GTF2F2: variants seen among roughly 807,000 people sequenced by gnomAD.
GTF2F2 encodes general transcription factor IIF subunit 2.
GTF2F2 carries 23 observed loss-of-function variants against 42.2 expected under a neutral mutation model. The ratio of observed to expected loss-of-function variants is 0.55; its 90% CI spans 0.39 to 0.77. The LOEUF is 0.77. Ranked by LOEUF, GTF2F2 falls within the 30% of genes least tolerant of loss-of-function variation. The pLI is 0.00. For missense variants in GTF2F2, 261 were observed against 287.2 expected (o/e 0.91, Z 0.66); for synonymous variants, 105 against 100.8 (o/e 1.04, Z -0.25).
chr13:45,258,074 A>G (rs889815377), intron 6 of GTF2F2, among the ~76,000 whole-genome samples: 28 of 152,280 alleles, frequency 1.8e-4, no homozygotes, highest in African/African-American at 6.5e-4. Flanking sequence ...TTATCAGTCA[A>G]TCTTTGAGGT....
At chr13:45,182,000 G>A (rs1170411164) in intron 4 of GTF2F2, among the ~76,000 whole-genome samples, 1 of 152,098 alleles carries the variant, frequency 6.6e-6, no homozygotes, top group Non-Finnish European at 1.5e-5. Flanking sequence ...TGGCCGCCCT[G>A]CTGGCTGAAG....
chr13:45,173,978 T>C (rs1240576773), intron 4 of GTF2F2, among the ~76,000 whole-genome samples: 2 of 152,146 alleles, frequency 1.3e-5, no homozygotes, highest in Non-Finnish European at 2.9e-5. Context: ...ATATAAATGC[T>C]TTTTTCACTC....
intron 2 of GTF2F2, among the ~76,000 whole-genome samples, chr13:45,147,614 A>T (rs1870261059): frequency 6.6e-6 from 1 of 152,094 alleles, no homozygotes; most frequent in East Asian, 1.9e-4. Context: ...AAATTTTCTC[A>T]CCTCGTTTTA....
intron 4 of GTF2F2, among the ~76,000 whole-genome samples, chr13:45,190,734 T>C (rs1468591522): frequency 1.3e-5 from 2 of 152,028 alleles, no homozygotes; most frequent in Non-Finnish European, 2.9e-5. Flanking sequence ...GTATAAGTTT[T>C]GTGGGGGTTT....
At chr13:45,138,835 G>A (rs999629279) in intron 2 of GTF2F2, among the ~76,000 whole-genome samples, 9 of 152,222 alleles carry the variant, frequency 5.9e-5, no homozygotes, top group Admixed American at 3.3e-4. Context: ...TAGTAGAGAC[G>A]GGGTTTCGCC....
chr13:45,166,258 T>C (rs1343938559), intron 4 of GTF2F2, among the ~76,000 whole-genome samples: 1 of 152,236 alleles, frequency 6.6e-6, no homozygotes, highest in Non-Finnish European at 1.5e-5. Context: ...TTTCAGTGTT[T>C]TCTGATATTT....
intron 1 of GTF2F2, among the ~76,000 whole-genome samples, chr13:45,121,170 T>C (rs924595706): frequency 2.6e-5 from 4 of 152,188 alleles, no homozygotes; most frequent in Admixed American, 6.5e-5. Context: ...TTCTCTTAGG[T>C]TGATGGTCCT....
chr13:45,246,551 C>T (rs1875629525), intron 5 of GTF2F2, among the ~76,000 whole-genome samples: 1 of 152,158 alleles, frequency 6.6e-6, no homozygotes, highest in Admixed American at 6.5e-5. Flanking sequence ...CTTTCCTAGT[C>T]AGTGATGTCC....
intron 7 of GTF2F2, among the ~76,000 whole-genome samples, chr13:45,269,604 T>C (rs548710995): frequency 6.6e-6 from 1 of 152,236 alleles, no homozygotes; most frequent in Admixed American, 6.5e-5. Flanking sequence ...TATTCTAGCA[T>C]GAAGATCAAT....
At chr13:45,144,763 G>A (rs115347804) in intron 2 of GTF2F2, among the ~76,000 whole-genome samples, 495 of 152,034 alleles carry the variant, frequency 3.3e-3, no homozygotes, top group African/African-American at 0.012. Flanking sequence ...GTGGGGACCC[G>A]CTAATAATAA....
At chr13:45,144,910 A>G (rs932302980) in intron 2 of GTF2F2, among the ~76,000 whole-genome samples, 1 of 152,208 alleles carries the variant, frequency 6.6e-6, no homozygotes, top group East Asian at 1.9e-4. Context: ...GTCTGGCAAC[A>G]TATATGTGTG....
chr13:45,215,481 C>T (rs939320554), intron 5 of GTF2F2, among the ~76,000 whole-genome samples: 3 of 152,096 alleles, frequency 2.0e-5, no homozygotes, highest in Admixed American at 6.6e-5. Context: ...AAAACTGAGC[C>T]GGGCGTGATG....
chr13:45,226,126 C>T (rs1029244342), intron 5 of GTF2F2, among the ~76,000 whole-genome samples: 6 of 150,942 alleles, frequency 4.0e-5, no homozygotes, highest in Admixed American at 2.6e-4. Flanking sequence ...CAGTGGTTGT[C>T]CCCAAAGAGA....
At chr13:45,191,224 A>AAAAAAAAAAAAAATATATAT in intron 4 of GTF2F2, among the ~76,000 whole-genome samples, 3 of 75,312 alleles carry the variant, frequency 4.0e-5, no homozygotes, top group African/African-American at 2.0e-4. Flanking sequence ...ACAAAAAAAA[A>AAAAAAAAAAAAAATATATAT]ATATATATAT....
Position 45,267,159 on chromosome 13 carries a change from A to AT in GTF2F2, c.487-74_487-73insT, listed in dbSNP as rs1248020340. 3.3e-5 allele frequency: 44 copies of AT among 1,332,916 alleles called. No individual in the cohort carries two copies. The African/African-American group carries it at 4.6e-4, about 14-fold the overall frequency. 82.6% of individuals were successfully genotyped at this position (1,332,916 alleles called of 1,614,324 possible). ...AGCAAAACTCTGTCTCAAAAAAAAA[A>AT]AAAAGAGAATGCCTGTGTTTTAGAG... On this transcript the variant is annotated intron_variant, in intron 6 of 7. Coordinates refer to ENST00000340473, the MANE Select transcript of GTF2F2 (RefSeq NM_004128.3).
intron 5 of GTF2F2, among the ~76,000 whole-genome samples, chr13:45,236,365 A>G (rs1394733981): frequency 6.6e-6 from 1 of 152,170 alleles, no homozygotes; most frequent in Non-Finnish European, 1.5e-5. Flanking sequence ...CTGACTTTCT[A>G]TTTATGAAAA....
chr13:45,190,860 C>T (rs1329218415), intron 4 of GTF2F2, among the ~76,000 whole-genome samples: 2 of 150,892 alleles, frequency 1.3e-5, no homozygotes, highest in Non-Finnish European at 2.9e-5. Context: ...AAGCGATCCT[C>T]TCGCCTCAGC....
In GTF2F2 at chr13:45,283,686, G is replaced by T; in HGVS notation, c.*125G>T. 2.8e-6 allele frequency: 2 copies of T among 711,080 alleles called. No individual in the cohort carries two copies. Among genetic ancestry groups the T allele is most frequent in the Non-Finnish European group, 4.0e-6 (2 of 496,026 alleles). The allele number at this position is 711,080 out of a possible 1,614,324, so 44.0% of individuals were successfully genotyped here. ...AAGTGACAGTACTTTGATTTCTCTC[G>T]GTAAATTTTTTAAACCTGTAATTCT... is the stretch of plus-strand genomic sequence containing the variant. On this transcript the variant is annotated 3_prime_UTR_variant, in exon 8 of 8. Transcript: ENST00000340473.
chr13:45,247,968 C>G (rs1258907708), intron 5 of GTF2F2, among the ~76,000 whole-genome samples: 3 of 152,106 alleles, frequency 2.0e-5, no homozygotes, highest in Non-Finnish European at 4.4e-5. Context: ...CCTCAGCCTC[C>G]TGAGTAGGTG....
Sources: allele counts gnomAD v4.1 joint callset (sites outside exome capture counted in the v4.1 genomes callset), GRCh38; gene constraint gnomAD v4.1.1; transcripts MANE v1.5; gene names NCBI Gene and HGNC (gene_info 2026-07-23, HGNC 2026-07-21).